STAB1: variants seen among roughly 807,000 people sequenced by gnomAD.
STAB1 encodes the protein stabilin 1, also known as stabilin-1.
STAB1 carries 250 observed loss-of-function variants against 332.4 expected under a neutral mutation model. That is an observed-to-expected ratio of 0.75 (90% confidence interval 0.68 to 0.84). The LOEUF (loss-of-function observed/expected upper bound fraction) is 0.84, where lower values mean the gene tolerates loss of function less well. STAB1 is among the 40% of genes least tolerant of loss of function. The pLI is 0.00. For synonymous variants in STAB1, 1,475 were observed against 1,390.4 expected (o/e 1.06, Z -1.35); for missense variants, 3,249 against 3,489.7 (o/e 0.93, Z 1.74).
chr3:52,509,393 CAAG>C lies in STAB1; in HGVS notation c.2347+76_2347+78del, dbSNP rs1709126016. On this transcript the variant is annotated intron_variant, in intron 22 of 68. Coordinates refer to ENST00000321725, the MANE Select transcript of STAB1 (RefSeq NM_015136.3). Reference sequence around the variant, plus strand: ...GCCTAAAGATGGGTCTGGGGGCTCTCAAGAAGGGAAACGAAGCCCCAGGAGGAG... The same window carrying C: ...GCCTAAAGATGGGTCTGGGGGCTCTCAAGGGAAACGAAGCCCCAGGAGGAG... The C allele has an allele frequency of 2.9e-6, 4 of 1,366,374 alleles. No individual in the cohort carries two copies. The Admixed American group carries it at 8.6e-5, about 29-fold the overall frequency. The allele number at this position is 1,366,374 out of a possible 1,614,324, so 84.6% of individuals were successfully genotyped here. A position where few individuals can be genotyped will look rare whatever the true frequency, so the allele number is the denominator to read the frequency against.
Position 52,504,519 on chromosome 3 carries a change from C to T in STAB1, c.1209C>T (p.Ser403=), listed in dbSNP as rs775765766. The T allele has an allele frequency of 9.9e-6, 16 of 1,614,102 alleles. No homozygotes were observed. Among genetic ancestry groups the T allele is most frequent in the Admixed American group, 1.7e-5 (1 of 60,022 alleles). Residue 403 remains serine, a synonymous_variant, in exon 11 of 69, where the codon TCC becomes TCT. Coordinates refer to ENST00000321725, the MANE Select transcript of STAB1 (RefSeq NM_015136.3). Reference sequence around the variant, plus strand: ...GCCCTTTCACCGTGCTGGTGCCATCCGTCTCCTCCTTCTCCTCCAGGACCA... The same window carrying T: ...GCCCTTTCACCGTGCTGGTGCCATCTGTCTCCTCCTTCTCCTCCAGGACCA... ...TAGPFTVLVP[S]VSSFSSRTMN...
chr3:52,497,473 C>T (rs964073889), intron 1 of STAB1, among the ~76,000 whole-genome samples: 6 of 133,866 alleles, frequency 4.5e-5, no homozygotes, highest in Non-Finnish European at 7.6e-5. Flanking sequence ...ATTACAGTGG[C>T]GCTATCTCAG....
chr3:52,495,965 T>C (rs992738433), intron 1 of STAB1, among the ~76,000 whole-genome samples: 1 of 152,020 alleles, frequency 6.6e-6, no homozygotes, highest in African/African-American at 2.4e-5. Context: ...GTGTCCGGGG[T>C]TATGAGCAGC....
chr3:52,523,831 C>A, intron 66 of STAB1, 40 bp from the exon 67 acceptor site: 1 of 1,581,622 alleles, frequency 6.3e-7, no homozygotes, highest in Non-Finnish European at 8.6e-7. Context: ...GGTGGTGGGA[C>A]AGCTCCCGCC....
Position 52,503,897 on chromosome 3 carries a change from G to T in STAB1, c.1017G>T (p.Lys339Asn). ...SATCQVTADG[K>N]TSCVCRESEV... Reference sequence around the variant, plus strand: ...CTTGCCAGGTGACCGCTGATGGGAAGACCAGGTGAGCACAGGTGCCTGGGA... The same window carrying T: ...CTTGCCAGGTGACCGCTGATGGGAATACCAGGTGAGCACAGGTGCCTGGGA... Residue 339 changes from lysine (K) to asparagine (N), a missense_variant, in exon 9 of 69, where the codon AAG becomes AAT. Physicochemically the swap from Lys to Asn is moderately conservative, Grantham distance 94. Transcript: ENST00000321725. The T allele has an allele frequency of 6.2e-7, 1 of 1,613,170 alleles. No homozygotes were observed.
intron 1 of STAB1, among the ~76,000 whole-genome samples, 197 bp from the exon 2 acceptor site, chr3:52,500,969 T>C (rs1254741298): frequency 6.6e-6 from 1 of 152,194 alleles, no homozygotes; most frequent in Non-Finnish European, 1.5e-5. Flanking sequence ...CTGCACTGCA[T>C]TCCCACTGAG....
At chr3:52,500,818 T>G (rs1041854640) in intron 1 of STAB1, among the ~76,000 whole-genome samples, 1 of 152,222 alleles carries the variant, frequency 6.6e-6, no homozygotes, top group African/African-American at 2.4e-5. Flanking sequence ...TTTTCTCACC[T>G]GAAATGGGCT....
Position 52,512,819 on chromosome 3 carries a change from T to C in STAB1, c.3028-9T>C, listed in dbSNP as rs1709390914. 5.0e-6 allele frequency: 8 copies of C among 1,608,396 alleles called. No homozygotes were observed. The highest frequency in any genetic ancestry group is 6.8e-6 in the Non-Finnish European group (8 of 1,179,682). On this transcript the variant is annotated splice_polypyrimidine_tract_variant and intron_variant, in intron 28 of 68. Transcript: ENST00000321725. ...GCTCCTCCCGCCCCTGCTCCCTGTGTGCGTGCAGAGTGCCGGCATCACGCT... is the reference window on the plus strand; with the variant it reads ...GCTCCTCCCGCCCCTGCTCCCTGTGCGCGTGCAGAGTGCCGGCATCACGCT...
chr3:52,510,024 T>A lies in STAB1; in HGVS notation c.2502T>A (p.His834Gln). 1.2e-6 allele frequency: 2 copies of A among 1,607,944 alleles called. No individual in the cohort carries two copies. Among genetic ancestry groups the A allele is most frequent in the Non-Finnish European group, 1.7e-6 (2 of 1,176,472 alleles). The change falls in exon 23 of 69, where the codon CAT (histidine) becomes CAA (glutamine). Residue 834 changes from histidine to glutamine, a missense_variant. His to Gln is a conservative substitution (Grantham distance 24, BLOSUM62 0). Transcript: ENST00000321725. The stretch of plus-strand genomic sequence containing the variant: ...GGCTGGCCCAGCACTGCCACCTGCA[T>A]GCCCGCTGTGTTAGCCAGGAGGGTG... Reference protein sequence around the residue: ...PTGLAQHCHLHARCVSQEGVA... With the variant: ...PTGLAQHCHLQARCVSQEGVA...
At position 52,523,957 on chromosome 3, in the gene STAB1, C is replaced by T. The variant is rs1220928927; in HGVS notation, c.7482C>T (p.Ala2494=). 21 of 1,611,120 alleles carry T rather than the reference C, an allele frequency of 1.3e-5. No individual in the cohort carries two copies. The highest frequency in any genetic ancestry group is 3.3e-5 in the South Asian group (3 of 91,054). ...CTGGAGCACTGCTTGGCTTGGTGGCCGGAGCTCTCTACCTCCGTGCCCGAG... is the reference window on the plus strand; with the variant it reads ...CTGGAGCACTGCTTGGCTTGGTGGCTGGAGCTCTCTACCTCCGTGCCCGAG... ...LAAGALLGLV[A]GALYLRARGK... The change falls in exon 67 of 69, where the codon GCC becomes GCT. Residue 2494 remains alanine (A), a synonymous_variant. Coordinates refer to ENST00000321725, the MANE Select transcript of STAB1 (RefSeq NM_015136.3).
chr3:52,513,647 G>A (rs1361545530), intron 30 of STAB1, 70 bp from the exon 31 acceptor site: 3 of 1,503,280 alleles, frequency 2.0e-6, no homozygotes, highest in Non-Finnish European at 2.7e-6. Flanking sequence ...CAGTCTCTCT[G>A]TTGGGGCTGC....
At position 52,504,172 on chromosome 3, in the gene STAB1, C is replaced by A; in HGVS notation, c.1150+17C>A. On this transcript the variant is annotated intron_variant, in intron 10 of 68. Coordinates refer to ENST00000321725, the MANE Select transcript of STAB1 (RefSeq NM_015136.3). The stretch of plus-strand genomic sequence containing the variant: ...CCATGATGGGTGCGTGACCCCACTG[C>A]TTGCCCACGACCCGACCCCTCACCC... 1 of 1,577,452 alleles carries A rather than the reference C, an allele frequency of 6.3e-7. No homozygotes were observed. The highest frequency in any genetic ancestry group is 8.6e-7 in the Non-Finnish European group (1 of 1,165,958).
Position 52,513,979 on chromosome 3 carries a change from C to T in STAB1, c.3445C>T (p.Gln1149Ter). The T allele has an allele frequency of 6.3e-7, 1 of 1,598,878 alleles. No homozygotes were observed. The highest frequency in any genetic ancestry group is 8.5e-7 in the Non-Finnish European group (1 of 1,169,788). ...CTTCAGCCTCTTCCGGGAATTGCTG[C>T]AGGTACGGAAGGCTGGCAAGAGGGG... ...PAFSLFRELLQHHGLVPQIEA... is the reference protein window; with the variant it reads ...PAFSLFRELL The change falls in exon 32 of 69, where the codon CAG becomes TAG. Residue 1149 changes from glutamine (Q) to a stop codon, truncating the protein, a stop_gained and splice_region_variant. Coordinates refer to ENST00000321725, the MANE Select transcript of STAB1 (RefSeq NM_015136.3). LOFTEE classifies it high-confidence loss of function.
Position 52,521,835 on chromosome 3 carries a change from G to A in STAB1, c.6164-9G>A. On this transcript the variant is annotated splice_polypyrimidine_tract_variant and intron_variant, in intron 57 of 68. Transcript: ENST00000321725. ...AACCTGGTTCTGGGGGCTGGGCCCT[G>A]GGGGACAGAGCTGCAGCCTGTGTGT... The A allele has an allele frequency of 6.3e-7, 1 of 1,593,452 alleles. No homozygotes were observed. Among genetic ancestry groups the A allele is most frequent in the Non-Finnish European group, 8.6e-7 (1 of 1,168,484 alleles).
intron 50 of STAB1, 116 bp downstream of exon 50, chr3:52,519,680 G>T: frequency 2.1e-6 from 3 of 1,443,904 alleles, no homozygotes; most frequent in Non-Finnish European, 2.8e-6. Flanking sequence ...TCCCGTGTGA[G>T]CCTGTGTGAA....
rs1296182531 is a variant in STAB1 at position 52,524,413 on chromosome 3, G to A, written c.*57G>A. On this transcript the variant is annotated 3_prime_UTR_variant, in exon 69 of 69. Transcript: ENST00000321725. ...AGGGAGGAGACCACTTTTATTGCTTGTCTGGGTGGATGGGGCAGGAGGGGC... is the reference window on the plus strand; with the variant it reads ...AGGGAGGAGACCACTTTTATTGCTTATCTGGGTGGATGGGGCAGGAGGGGC... The A allele has an allele frequency of 1.2e-6, 2 of 1,612,122 alleles. No individual in the cohort carries two copies. The highest frequency in any genetic ancestry group is 1.1e-5 in the South Asian group (1 of 91,058).
intron 65 of STAB1, 24 bp from the exon 66 acceptor site, chr3:52,523,628 G>A (rs953188047): frequency 1.2e-6 from 2 of 1,612,812 alleles, no homozygotes; most frequent in Non-Finnish European, 1.7e-6. Flanking sequence ...GCTCACAGTG[G>A]GCCTGACTCT....
At chr3:52,516,303 C>A (rs1344024784) in intron 38 of STAB1, 53 bp from the exon 39 acceptor site, 3 of 1,606,888 alleles carry the variant, frequency 1.9e-6, no homozygotes, top group South Asian at 2.2e-5. Flanking sequence ...AGACCCCAGC[C>A]GGGACAGGAT....
In STAB1 at chr3:52,511,761, G is replaced by T; in HGVS notation, c.2883+16G>T. ...CCACGGCCTGGTAAGGGGGTGCAAG[G>T]CTCAGAGCCCTGGGGAAGCTTTCTG... On this transcript the variant is annotated intron_variant, in intron 26 of 68. Coordinates refer to ENST00000321725, the MANE Select transcript of STAB1 (RefSeq NM_015136.3). 2 of 1,556,986 alleles carry T rather than the reference G, an allele frequency of 1.3e-6. No individual in the cohort carries two copies. Among genetic ancestry groups the T allele is most frequent in the Non-Finnish European group, 1.7e-6 (2 of 1,145,760 alleles).
Sources: gnomAD v4.1 joint callset for allele counts (sites outside exome capture counted in the v4.1 genomes callset) on GRCh38, gnomAD v4.1.1 for gene constraint, MANE v1.5 for transcripts, NCBI Gene and HGNC (gene_info 2026-07-23, HGNC 2026-07-21) for gene names.